Variants in CDH13 observed in about 807,000 individuals in gnomAD.
CDH13 encodes cadherin-13.
In CDH13, 24 loss-of-function variants were observed where a neutral mutation model predicts 63.8. That is an observed-to-expected ratio of 0.38 (90% CI 0.27 to 0.53). CDH13 has a LOEUF of 0.53. CDH13 is among the 20% of genes least tolerant of loss of function. The pLI, the probability that CDH13 is intolerant of heterozygous loss-of-function variation, is 0.85. For missense variants in CDH13, 1,049 were observed against 903.1 expected (o/e 1.16, Z -2.07); for synonymous variants, 503 against 355.3 (o/e 1.42, Z -4.67).
intron 3 of CDH13, among the ~76,000 whole-genome samples, chr16:83,093,507 A>G (rs1334071153): frequency 1.3e-5 from 2 of 151,470 alleles, no homozygotes; most frequent in African/African-American, 2.4e-5. Context: ...TTTAGTAGAG[A>G]TGGGATTTCA....
chr16:82,956,746 C>T (rs1906172225), intron 2 of CDH13, among the ~76,000 whole-genome samples: 2 of 152,178 alleles, frequency 1.3e-5, no homozygotes, highest in East Asian at 3.9e-4. Flanking sequence ...GGTTCTTTCA[C>T]ATTGGAAAGT....
At chr16:83,336,300 C>T (rs1182265824) in intron 5 of CDH13, among the ~76,000 whole-genome samples, 1 of 49,050 alleles carries the variant, frequency 2.0e-5, no homozygotes, top group Non-Finnish European at 4.3e-5. Flanking sequence ...GACTCCATCT[C>T]AAAAAAAAAA....
intron 3 of CDH13, among the ~76,000 whole-genome samples, chr16:83,045,954 G>T (rs985173802): frequency 6.6e-6 from 1 of 152,240 alleles, no homozygotes; most frequent in African/African-American, 2.4e-5. Flanking sequence ...ATGTTGGGCA[G>T]ATGCCTGTGG....
At chr16:83,166,783 G>A (rs1315982737) in intron 4 of CDH13, among the ~76,000 whole-genome samples, 1 of 152,140 alleles carries the variant, frequency 6.6e-6, no homozygotes, top group Non-Finnish European at 1.5e-5. Context: ...TGCCCGTTGG[G>A]CATCAAGTAG....
At chr16:83,180,908 T>C (rs1217991450) in intron 4 of CDH13, 4 of 1,532,236 alleles carry the variant, frequency 2.6e-6, no homozygotes, top group East Asian at 2.4e-5. Flanking sequence ...TTCTCTTGAA[T>C]GAAGGCATTA....
At chr16:83,120,148 G>A (rs573436627) in intron 3 of CDH13, among the ~76,000 whole-genome samples, 1 of 152,096 alleles carries the variant, frequency 6.6e-6, no homozygotes, top group Admixed American at 6.5e-5. Flanking sequence ...TCCCTTCCAG[G>A]TACTGTTTTT....
chr16:82,858,481 A>G lies in CDH13; in HGVS notation c.157+8A>G, dbSNP rs575945380. The G allele has an allele frequency of 5.3e-6, 8 of 1,510,082 alleles. No individual in the cohort carries two copies. In the African/African-American group the frequency reaches 6.8e-5, roughly 13 times the overall value. The allele number at this position is 1,510,082 out of a possible 1,614,324, so 93.5% of individuals were successfully genotyped here. On this transcript the variant is annotated splice_region_variant and intron_variant, in intron 2 of 13. Coordinates refer to ENST00000567109, the MANE Select transcript of CDH13 (RefSeq NM_001257.5). ...ACCAGTCAATTCTAAACTGTAAGCA[A>G]TGTCACTCAAAGATGCTTTTAGACT...
At chr16:83,339,479 T>C (rs1327899009) in intron 5 of CDH13, among the ~76,000 whole-genome samples, 1 of 152,160 alleles carries the variant, frequency 6.6e-6, no homozygotes, top group Non-Finnish European at 1.5e-5. Context: ...ACCAGCTTTG[T>C]ATCAGACACT....
intron 2 of CDH13, among the ~76,000 whole-genome samples, chr16:82,960,869 A>G (rs1906871691): frequency 6.6e-6 from 1 of 152,200 alleles, no homozygotes; most frequent in Non-Finnish European, 1.5e-5. Flanking sequence ...TTTTAATTCT[A>G]GGAAGAATGC....
intron 7 of CDH13, among the ~76,000 whole-genome samples, chr16:83,531,209 T>A (rs573761813): frequency 3.6e-4 from 55 of 152,342 alleles, no homozygotes; most frequent in African/African-American, 1.2e-3. Flanking sequence ...TAATCTTGAC[T>A]TTGTCTGTTT....
chr16:83,334,394 C>CACAG (rs2090547738), intron 5 of CDH13, among the ~76,000 whole-genome samples: 1 of 150,392 alleles, frequency 6.6e-6, no homozygotes, highest in African/African-American at 2.4e-5. Context: ...CACACACACA[C>CACAG]AGAATCTCCC....
intron 5 of CDH13, among the ~76,000 whole-genome samples, chr16:83,271,494 T>G (rs1176519323): frequency 7.0e-5 from 2 of 28,602 alleles, no homozygotes. Flanking sequence ...ATAATGGGCT[T>G]TTATTTAAAA....
At chr16:83,431,195 A>G (rs1235813099) in intron 6 of CDH13, among the ~76,000 whole-genome samples, 1 of 151,458 alleles carries the variant, frequency 6.6e-6, no homozygotes, top group Non-Finnish European at 1.5e-5. Flanking sequence ...TATGTGCCAC[A>G]TTTTCTTAAT....
intron 7 of CDH13, among the ~76,000 whole-genome samples, chr16:83,570,689 A>AT (rs565595892): frequency 2.1e-5 from 3 of 145,908 alleles, no homozygotes; most frequent in Admixed American, 6.9e-5. Flanking sequence ...ATAAAAAAAA[A>AT]TTTAAATTTA....
Position 83,747,476 on chromosome 16 carries a change from A to G in CDH13, c.1539-632A>G, listed in dbSNP as rs186379235. 6.6e-5 allele frequency among the ~76,000 whole-genome samples: 10 copies of G among 152,272 alleles called. No individual in the cohort carries two copies. In the East Asian group the frequency reaches 1.5e-3, roughly 24 times the overall value. ...CTTAGCCACATGGAACTGTGAGTCTATTAAAACTCTTTCTTTTGTAAATCA... is the reference window on the plus strand; with the variant it reads ...CTTAGCCACATGGAACTGTGAGTCTGTTAAAACTCTTTCTTTTGTAAATCA... On this transcript the variant is annotated intron_variant, in intron 10 of 13. Transcript: ENST00000567109.
intron 2 of CDH13, among the ~76,000 whole-genome samples, chr16:82,868,142 G>C (rs950984962): frequency 6.6e-6 from 1 of 152,198 alleles, no homozygotes; most frequent in African/African-American, 2.4e-5. Flanking sequence ...GGGGTTTCAA[G>C]TAGTATATTT....
At position 82,950,526 on chromosome 16, in the gene CDH13, C is replaced by T. The variant is rs148631581; in HGVS notation, c.158-81484C>T. ...ATCTGATGGTTTTAGAAGTGGTCTCCCTATTCGCTTGGTTCTCATTCTCTT... is the reference window on the plus strand; with the variant it reads ...ATCTGATGGTTTTAGAAGTGGTCTCTCTATTCGCTTGGTTCTCATTCTCTT... On this transcript the variant is annotated intron_variant, in intron 2 of 13. Coordinates refer to ENST00000567109, the MANE Select transcript of CDH13 (RefSeq NM_001257.5). Among the ~76,000 whole-genome samples the T allele has an allele frequency of 7.8e-3, 1,182 of 152,144 alleles. 19 individuals carry two copies. The highest frequency in any genetic ancestry group is 0.027 in the African/African-American group (1,110 of 41,516).
chr16:83,135,823 A>G (rs1263220757), intron 4 of CDH13, among the ~76,000 whole-genome samples: 1 of 152,232 alleles, frequency 6.6e-6, no homozygotes, highest in Non-Finnish European at 1.5e-5. Context: ...TGTATATATG[A>G]TGGAATACTA....
intron 1 of CDH13, among the ~76,000 whole-genome samples, chr16:82,839,185 C>T (rs2061629): frequency 6.6e-6 from 1 of 152,098 alleles, no homozygotes; most frequent in African/African-American, 2.4e-5. Flanking sequence ...GCAGGCTGCT[C>T]TGTCCTTCCA....
Sources: allele counts gnomAD v4.1 joint callset (sites outside exome capture counted in the v4.1 genomes callset), GRCh38; gene constraint gnomAD v4.1.1; transcripts MANE v1.5; gene names NCBI Gene and HGNC (gene_info 2026-07-23, HGNC 2026-07-21).